CRIM1: variants seen among roughly 807,000 people sequenced by gnomAD.
CRIM1 encodes cysteine rich transmembrane BMP regulator 1.
In CRIM1, 32 loss-of-function variants were observed where a neutral mutation model predicts 116.4. The observed-to-expected ratio is 0.27, with a 90% CI of 0.21 to 0.37. The LOEUF (loss-of-function observed/expected upper bound fraction) is 0.37. Among genes scored for constraint, CRIM1 ranks in the 10% least tolerant of loss-of-function variants. The pLI is 1.00. For synonymous variants in CRIM1, 590 were observed against 509.2 expected (o/e 1.16, Z -2.13); for missense variants, 1,331 against 1,354.8 (o/e 0.98, Z 0.28).
At chr2:36,467,420 G>A (rs1464644938) in intron 5 of CRIM1, among the ~76,000 whole-genome samples, 4 of 152,172 alleles carry the variant, frequency 2.6e-5, no homozygotes, top group Admixed American at 1.3e-4. Flanking sequence ...ATGTGTCTGT[G>A]TATGTATATA....
intron 2 of CRIM1, among the ~76,000 whole-genome samples, chr2:36,430,946 C>T (rs1182743975): frequency 2.0e-5 from 3 of 152,150 alleles, no homozygotes; most frequent in African/African-American, 7.2e-5. Flanking sequence ...GAGAAATTAC[C>T]TATATAAGGC....
intron 4 of CRIM1, among the ~76,000 whole-genome samples, chr2:36,460,069 G>T (rs1425652478): frequency 6.6e-6 from 1 of 151,912 alleles, no homozygotes; most frequent in Non-Finnish European, 1.5e-5. Flanking sequence ...AGGCACTCAG[G>T]TGCCCACTGA....
intron 7 of CRIM1, among the ~76,000 whole-genome samples, chr2:36,486,954 G>C (rs980535647): frequency 2.6e-5 from 4 of 152,180 alleles, no homozygotes; most frequent in Non-Finnish European, 4.4e-5. Flanking sequence ...GTTATTAAGA[G>C]ACATGCCCTT....
At chr2:36,498,922 A>C (rs1680790837) in intron 7 of CRIM1, among the ~76,000 whole-genome samples, 1 of 152,166 alleles carries the variant, frequency 6.6e-6, no homozygotes, top group African/African-American at 2.4e-5. Flanking sequence ...GTTCATGTTA[A>C]CCTCTCTCGT....
At chr2:36,466,903 G>A (rs1029271296) in intron 5 of CRIM1, among the ~76,000 whole-genome samples, 2 of 152,154 alleles carry the variant, frequency 1.3e-5, no homozygotes, top group Non-Finnish European at 2.9e-5. Context: ...GTGAGGAACC[G>A]GAGTGCCCTT....
chr2:36,500,809 A>G (rs1680932255), intron 8 of CRIM1, among the ~76,000 whole-genome samples: 1 of 152,242 alleles, frequency 6.6e-6, no homozygotes, highest in African/African-American at 2.4e-5. Flanking sequence ...TTAGCTGACA[A>G]CATATATCTC....
intron 14 of CRIM1, among the ~76,000 whole-genome samples, chr2:36,539,473 T>C (rs1490552480): frequency 6.6e-6 from 1 of 152,148 alleles, no homozygotes; most frequent in Non-Finnish European, 1.5e-5. Flanking sequence ...TTGAGTGAGA[T>C]GAAACCTTGG....
At position 36,448,738 on chromosome 2, in the gene CRIM1, A is replaced by G. The variant is rs572586570; in HGVS notation, c.869+6003A>G. Among the ~76,000 whole-genome samples, 178 of 152,358 alleles carry G rather than the reference A, an allele frequency of 1.2e-3. 2 individuals are homozygous for G. The highest frequency in any genetic ancestry group is 4.3e-3 in the African/African-American group (177 of 41,582). On this transcript the variant is annotated intron_variant, in intron 4 of 16. Coordinates refer to ENST00000280527, the MANE Select transcript of CRIM1 (RefSeq NM_016441.3). ...GTTCTGTTATCAATTTGTTTTATAA[A>G]TATGCCGTTCTTAAAAGTTATTGAG...
intron 1 of CRIM1, among the ~76,000 whole-genome samples, chr2:36,368,431 T>C (rs1327753585): frequency 6.6e-6 from 1 of 152,226 alleles, no homozygotes; most frequent in Non-Finnish European, 1.5e-5. Flanking sequence ...TTCCTTTGCA[T>C]GTTGTCCAGC....
At chr2:36,495,330 G>A (rs1453011965) in intron 7 of CRIM1, among the ~76,000 whole-genome samples, 1 of 152,142 alleles carries the variant, frequency 6.6e-6, no homozygotes, top group Non-Finnish European at 1.5e-5. Flanking sequence ...CGTATTCAAA[G>A]CACTGTTGCA....
At chr2:36,414,935 C>T (rs1428088869) in intron 2 of CRIM1, among the ~76,000 whole-genome samples, 1 of 152,094 alleles carries the variant, frequency 6.6e-6, no homozygotes, top group Non-Finnish European at 1.5e-5. Flanking sequence ...TGAGAGGATG[C>T]CCTTTTTAAG....
At chr2:36,426,021 C>T (rs1448582727) in intron 2 of CRIM1, among the ~76,000 whole-genome samples, 1 of 152,202 alleles carries the variant, frequency 6.6e-6, no homozygotes, top group Non-Finnish European at 1.5e-5. Flanking sequence ...TGTAGGAAGT[C>T]ATGAACTAGT....
At chr2:36,367,125 G>C (rs1338740518) in intron 1 of CRIM1, among the ~76,000 whole-genome samples, 2 of 152,168 alleles carry the variant, frequency 1.3e-5, no homozygotes, top group African/African-American at 4.8e-5. Context: ...TTTGTCTGTG[G>C]AAGTCAAAGT....
rs766299744 is a variant in CRIM1, at chr2:36,522,255, T to C, written c.2370T>C (p.Pro790=). The C allele has an allele frequency of 6.8e-6, 11 of 1,614,106 alleles. No individual in the cohort carries two copies. The East Asian group carries it at 2.5e-4, about 36-fold the overall frequency. The change falls in exon 13 of 17, where the codon CCT becomes CCC. Residue 790 remains proline (P), a synonymous_variant. Coordinates refer to ENST00000280527, the MANE Select transcript of CRIM1 (RefSeq NM_016441.3). Reference sequence around the variant, plus strand: ...TTAGCTGTTTCTCTGAGTCCTGCCCTTCTGTATCCTGTGAAAGACCTGTCT... The same window carrying C: ...TTAGCTGTTTCTCTGAGTCCTGCCCCTCTGTATCCTGTGAAAGACCTGTCT... The part of the protein sequence containing the change: ...SVISCFSESC[P]SVSCERPVLR...
In CRIM1 at chr2:36,547,812, CTG is replaced by C. The variant is rs763508700; in HGVS notation, c.2934+643_2934+644del. 1.8e-4 allele frequency among the ~76,000 whole-genome samples: 28 copies of C among 152,294 alleles called. 1 individual carries two copies. Among genetic ancestry groups the C allele is most frequent in the African/African-American group, 6.0e-4 (25 of 41,560 alleles). ...GCCTATTTTGAAAGACAAGAAAAAA[CTG>C]TATTAATTAAGGGAAATAAATCATA... On this transcript the variant is annotated intron_variant, in intron 16 of 16. Transcript: ENST00000280527.
At chr2:36,360,396 A>G (rs1485155283) in intron 1 of CRIM1, among the ~76,000 whole-genome samples, 2 of 152,208 alleles carry the variant, frequency 1.3e-5, no homozygotes, top group Admixed American at 6.5e-5. Flanking sequence ...CAGTAGCTTC[A>G]TATTTTGGAA....
intron 1 of CRIM1, among the ~76,000 whole-genome samples, chr2:36,389,038 T>C (rs1671382833): frequency 6.6e-6 from 1 of 152,238 alleles, no homozygotes. Context: ...CACTTTAGTA[T>C]TCCATTGTTT....
chr2:36,394,736 TG>T (rs1319686370), intron 1 of CRIM1, among the ~76,000 whole-genome samples: 3 of 151,714 alleles, frequency 2.0e-5, no homozygotes, highest in Non-Finnish European at 4.4e-5. Flanking sequence ...ACTTCAAATC[TG>T]AAAGATAATC....
At position 36,475,241 on chromosome 2, in the gene CRIM1, G is replaced by A. The variant is rs184490525; in HGVS notation, c.992-1648G>A. ...TCAATCCATGAACACGGGATGTCCCGTTTACTTAGGCCTTTTTAGTTTTTT... is the reference window on the plus strand; with the variant it reads ...TCAATCCATGAACACGGGATGTCCCATTTACTTAGGCCTTTTTAGTTTTTT... On this transcript the variant is annotated intron_variant, in intron 5 of 16. Coordinates refer to ENST00000280527, the MANE Select transcript of CRIM1 (RefSeq NM_016441.3). Among the ~76,000 whole-genome samples, 6 of 152,294 alleles carry A rather than the reference G, an allele frequency of 3.9e-5. No individual in the cohort carries two copies. In the East Asian group the frequency reaches 7.7e-4, roughly 20 times the overall value.
Sources: gnomAD v4.1 joint callset for allele counts (sites outside exome capture counted in the v4.1 genomes callset) on GRCh38, gnomAD v4.1.1 for gene constraint, MANE v1.5 for transcripts, NCBI Gene and HGNC (gene_info 2026-07-23, HGNC 2026-07-21) for gene names.